Variants in ATG10 observed in about 807,000 individuals in gnomAD.
ATG10 encodes ubiquitin-like-conjugating enzyme ATG10.
A neutral mutation model predicts 32.1 loss-of-function variants in ATG10; 30 were observed. That is an observed-to-expected ratio of 0.94 (90% CI 0.70 to 1.27). ATG10 has a LOEUF of 1.27. Among genes scored for constraint, ATG10 ranks in the 50% most tolerant of loss-of-function variants. The pLI is 0.00. For missense variants in ATG10, 233 were observed against 262.3 expected, an observed-to-expected ratio of 0.89 and a Z score of 0.77; for synonymous variants, 87 against 91.5, an observed-to-expected ratio of 0.95 and a Z score of 0.28.
At chr5:82,027,230 C>T (rs1762620311) in intron 2 of ATG10, among the ~76,000 whole-genome samples, 1 of 151,914 alleles carries the variant, frequency 6.6e-6, no homozygotes, top group Non-Finnish European at 1.5e-5. Flanking sequence ...GTGACCTCTT[C>T]TCTACAAAAA....
chr5:82,001,258 A>G (rs6875409), intron 2 of ATG10, among the ~76,000 whole-genome samples: 29,587 of 152,146 alleles, frequency 0.19, 3,243 homozygotes, highest in Middle Eastern at 0.29. Context: ...CTATCTTCCT[A>G]TCAATCTACA....
At chr5:82,179,445 CATAA>C (rs1221088916) in intron 5 of ATG10, among the ~76,000 whole-genome samples, 4 of 151,942 alleles carry the variant, frequency 2.6e-5, no homozygotes, top group Admixed American at 2.6e-4. Context: ...CAGTTTTACT[CATAA>C]ATACATTTGC....
intron 4 of ATG10, 145 bp downstream of exon 4, chr5:82,164,682 T>C: frequency 1.4e-6 from 1 of 723,306 alleles, no homozygotes; most frequent in Non-Finnish European, 2.2e-6. Flanking sequence ...ACCACTAAAT[T>C]TTCTCATGCT....
chr5:82,204,933 G>A (rs1745230923), intron 5 of ATG10, among the ~76,000 whole-genome samples: 1 of 152,132 alleles, frequency 6.6e-6, no homozygotes, highest in African/African-American at 2.4e-5. Flanking sequence ...GAATAGATAA[G>A]GTCTCTAGGC....
intron 3 of ATG10, among the ~76,000 whole-genome samples, chr5:82,127,101 T>C (rs1766309115): frequency 6.6e-6 from 1 of 152,256 alleles, no homozygotes; most frequent in African/African-American, 2.4e-5. Context: ...GATGGTAGTT[T>C]GTATTTCTGT....
At chr5:82,046,982 T>G (rs913258788) in intron 2 of ATG10, among the ~76,000 whole-genome samples, 18 of 136,156 alleles carry the variant, frequency 1.3e-4, no homozygotes, top group Non-Finnish European at 2.1e-4. Context: ...GTCATCTGTG[T>G]TTTTTTTTTT....
At chr5:82,054,039 A>T (rs143450456) in intron 2 of ATG10, among the ~76,000 whole-genome samples, 4 of 152,278 alleles carry the variant, frequency 2.6e-5, no homozygotes, top group African/African-American at 7.2e-5. Context: ...CTCCTGAGGT[A>T]GCTGCAGATT....
chr5:81,979,343 C>T (rs989407566), intron 1 of ATG10, among the ~76,000 whole-genome samples: 3 of 152,122 alleles, frequency 2.0e-5, no homozygotes, highest in Non-Finnish European at 4.4e-5. Flanking sequence ...CTGGCTAACA[C>T]GGTGAAACCC....
intron 5 of ATG10, among the ~76,000 whole-genome samples, chr5:82,224,882 C>T (rs1016121482): frequency 6.6e-6 from 1 of 152,166 alleles, no homozygotes; most frequent in Admixed American, 6.5e-5. Context: ...GTTAGACCTT[C>T]CTTGAAATGC....
At chr5:82,149,401 G>T (rs1372919109) in intron 3 of ATG10, among the ~76,000 whole-genome samples, 1 of 151,906 alleles carries the variant, frequency 6.6e-6, no homozygotes, top group Non-Finnish European at 1.5e-5. Context: ...TCTCGGAGTA[G>T]CCCATTCTAA....
intron 3 of ATG10, among the ~76,000 whole-genome samples, chr5:82,118,934 A>G (rs1358625833): frequency 9.2e-5 from 14 of 152,180 alleles, no homozygotes; most frequent in Admixed American, 9.2e-4. Flanking sequence ...GAGTTCAAGG[A>G]GGGCAATGTC....
intron 2 of ATG10, among the ~76,000 whole-genome samples, chr5:82,019,415 T>C (rs751233683): frequency 1.4e-4 from 22 of 152,178 alleles, no homozygotes; most frequent in Non-Finnish European, 2.8e-4. Context: ...TTTTATCTTG[T>C]TCCAGAATTG....
intron 3 of ATG10, among the ~76,000 whole-genome samples, chr5:82,149,395 G>A (rs1443625974): frequency 6.6e-6 from 1 of 151,806 alleles, no homozygotes; most frequent in East Asian, 1.9e-4. Flanking sequence ...TCAGCTTCTC[G>A]GAGTAGCCCA....
intron 3 of ATG10, among the ~76,000 whole-genome samples, chr5:82,101,601 A>G (rs1393945590): frequency 6.6e-6 from 1 of 152,216 alleles, no homozygotes; most frequent in Non-Finnish European, 1.5e-5. Context: ...ATCAGTAGGT[A>G]GAAGTTAAAA....
chr5:82,169,597 ATAATT>A (rs963119727), intron 4 of ATG10, among the ~76,000 whole-genome samples: 3 of 152,140 alleles, frequency 2.0e-5, no homozygotes, highest in African/African-American at 7.2e-5. Context: ...TATTTGACAG[ATAATT>A]TAATTTAGAG....
chr5:82,033,047 T>C (rs745681597), intron 2 of ATG10, among the ~76,000 whole-genome samples: 3 of 152,122 alleles, frequency 2.0e-5, no homozygotes, highest in Non-Finnish European at 4.4e-5. Flanking sequence ...CCTTTTTTCA[T>C]TTAATATTTA....
At chr5:81,978,883 T>C (rs1009638149) in intron 1 of ATG10, among the ~76,000 whole-genome samples, 6 of 151,916 alleles carry the variant, frequency 3.9e-5, no homozygotes, top group Non-Finnish European at 5.9e-5. Flanking sequence ...ATAGAATAAG[T>C]CCATTCAAAT....
At chr5:82,197,215 C>A (rs1283092310) in intron 5 of ATG10, among the ~76,000 whole-genome samples, 2 of 152,084 alleles carry the variant, frequency 1.3e-5, no homozygotes, top group Non-Finnish European at 2.9e-5. Flanking sequence ...TGTAGAAATA[C>A]AACTGATTTT....
At chr5:82,117,611 C>T (rs1765860880) in intron 3 of ATG10, among the ~76,000 whole-genome samples, 1 of 152,092 alleles carries the variant, frequency 6.6e-6, no homozygotes, top group South Asian at 2.1e-4. Context: ...CCGTCCTTGA[C>T]CTATTTCAGC....
Sources: gnomAD v4.1 joint callset for allele counts (sites outside exome capture counted in the v4.1 genomes callset) on GRCh38, gnomAD v4.1.1 for gene constraint, MANE v1.5 for transcripts, NCBI Gene and HGNC (gene_info 2026-07-23, HGNC 2026-07-21) for gene names.